Variants in SUMF1 observed in about 807,000 individuals in gnomAD.
The protein encoded by SUMF1 is sulfatase modifying factor 1.
A neutral mutation model predicts 47.6 loss-of-function variants in SUMF1; 48 were observed. The observed-to-expected ratio is 1.01, with a 90% CI of 0.80 to 1.28. The LOEUF (loss-of-function observed/expected upper bound fraction) is 1.28. SUMF1 is among the 50% of genes most tolerant of loss of function. SUMF1 has a pLI of 0.00. For synonymous variants in SUMF1, 230 were observed against 192.1 expected (o/e 1.20, Z -1.63); for missense variants, 571 against 485.4 (o/e 1.18, Z -1.66).
chr3:4,438,753 G>A (rs1466257521), intron 3 of SUMF1, among the ~76,000 whole-genome samples: 12 of 152,102 alleles, frequency 7.9e-5, no homozygotes, highest in African/African-American at 2.7e-4. Context: ...TCAAGCAGAA[G>A]GGAAAAATTA....
At chr3:4,251,647 ACAGT>A (rs1267540619) in intron 8 of SUMF1, among the ~76,000 whole-genome samples, 3 of 152,144 alleles carry the variant, frequency 2.0e-5, no homozygotes, top group African/African-American at 7.2e-5. Context: ...GAATATTCAG[ACAGT>A]CAATCCTTTG....
intron 8 of SUMF1, among the ~76,000 whole-genome samples, chr3:4,217,396 G>C (rs539863746): frequency 6.8e-6 from 1 of 146,840 alleles, no homozygotes; most frequent in Non-Finnish European, 1.5e-5. Context: ...GATAACATTA[G>C]GAGAAATACC....
chr3:4,212,553 G>C (rs1291115005), intron 8 of SUMF1, among the ~76,000 whole-genome samples: 3 of 152,162 alleles, frequency 2.0e-5, no homozygotes, highest in Non-Finnish European at 4.4e-5. Flanking sequence ...AATGGACAGA[G>C]AATGAGTTTG....
intron 1 of SUMF1, among the ~76,000 whole-genome samples, chr3:4,462,379 G>A (rs1045636767): frequency 1.3e-5 from 2 of 152,122 alleles, no homozygotes; most frequent in Non-Finnish European, 2.9e-5. Context: ...CAATGGAGCC[G>A]ACTATGCAGA....
chr3:4,338,836 T>A (rs1175402055), intron 8 of SUMF1, among the ~76,000 whole-genome samples: 2 of 152,098 alleles, frequency 1.3e-5, no homozygotes, highest in Non-Finnish European at 2.9e-5. Flanking sequence ...TGAGCCCCTA[T>A]AATTTAGTGT....
intron 3 of SUMF1, among the ~76,000 whole-genome samples, chr3:4,426,592 T>C (rs1702076265): frequency 6.6e-6 from 1 of 152,208 alleles, no homozygotes; most frequent in Non-Finnish European, 1.5e-5. Context: ...TTAAGAGTCA[T>C]ATATTAGGCA....
At chr3:4,158,925 T>A (rs570315676) in intron 8 of SUMF1, among the ~76,000 whole-genome samples, 1 of 151,634 alleles carries the variant, frequency 6.6e-6, no homozygotes. Context: ...TCTCTTTTTT[T>A]ATCCACTCAG....
At chr3:4,451,050 C>G (rs1047232648) in intron 2 of SUMF1, among the ~76,000 whole-genome samples, 1 of 151,478 alleles carries the variant, frequency 6.6e-6, no homozygotes, top group African/African-American at 2.4e-5. Flanking sequence ...GAACCCCCTT[C>G]TCAGAATAAA....
intron 8 of SUMF1, among the ~76,000 whole-genome samples, chr3:4,072,270 A>G (rs1695545890): frequency 6.6e-6 from 1 of 152,156 alleles, no homozygotes; most frequent in Non-Finnish European, 1.5e-5. Flanking sequence ...TAACAAATAG[A>G]AAGGAATAGC....
chr3:4,250,728 A>C (rs192436038), intron 8 of SUMF1, among the ~76,000 whole-genome samples: 1 of 152,156 alleles, frequency 6.6e-6, no homozygotes, highest in Non-Finnish European at 1.5e-5. Flanking sequence ...AATTATGCTA[A>C]TTCTAATCTG....
intron 8 of SUMF1, among the ~76,000 whole-genome samples, chr3:4,195,300 T>G (rs554496082): frequency 6.6e-6 from 1 of 152,130 alleles, no homozygotes; most frequent in Non-Finnish European, 1.5e-5. Context: ...TAAGTATCAG[T>G]AGCTAGGAGT....
intron 8 of SUMF1, among the ~76,000 whole-genome samples, chr3:4,372,246 A>G (rs1700191760): frequency 6.6e-6 from 1 of 152,154 alleles, no homozygotes; most frequent in East Asian, 1.9e-4. Flanking sequence ...CATTGCAGTG[A>G]GCCTAGATCA....
intron 9 of SUMF1, among the ~76,000 whole-genome samples, chr3:4,035,477 T>A (rs1034667184): frequency 1.3e-5 from 2 of 152,176 alleles, no homozygotes; most frequent in Non-Finnish European, 2.9e-5. Flanking sequence ...TGGATTAAGA[T>A]CCCAACCAGA....
chr3:4,236,812 T>C (rs1480406704), intron 8 of SUMF1, among the ~76,000 whole-genome samples: 2 of 152,130 alleles, frequency 1.3e-5, no homozygotes, highest in Admixed American at 6.6e-5. Context: ...GTACATTCTA[T>C]GGGTTTTGAC....
chr3:4,463,592 A>G (rs1559317536), intron 1 of SUMF1, among the ~76,000 whole-genome samples: 1 of 152,250 alleles, frequency 6.6e-6, no homozygotes, highest in Non-Finnish European at 1.5e-5. Context: ...AACTGAGAGG[A>G]TAGAAAAACT....
At chr3:4,313,210 G>A in intron 8 of SUMF1, 1 of 1,613,940 alleles carries the variant, frequency 6.2e-7, no homozygotes, top group South Asian at 1.1e-5. Flanking sequence ...TCGTACCTTG[G>A]AATTTATACC....
chr3:4,437,894 G>A (rs1368748616), intron 3 of SUMF1, among the ~76,000 whole-genome samples: 6 of 151,984 alleles, frequency 3.9e-5, no homozygotes, highest in Admixed American at 2.0e-4. Flanking sequence ...AGCTGAGATC[G>A]TGCCACTGCG....
intron 8 of SUMF1, among the ~76,000 whole-genome samples, chr3:4,325,144 G>C (rs779725023): frequency 9.9e-5 from 15 of 152,250 alleles, no homozygotes; most frequent in African/African-American, 3.4e-4. Flanking sequence ...TCCCTCCCAT[G>C]ACAAATGGGA....
intron 9 of SUMF1, among the ~76,000 whole-genome samples, chr3:4,045,585 C>G (rs747548258): frequency 2.6e-5 from 4 of 152,018 alleles, no homozygotes; most frequent in Non-Finnish European, 5.9e-5. Flanking sequence ...TTTGATTTGA[C>G]TAACTCAAAT....
Sources: allele counts gnomAD v4.1 joint callset (sites outside exome capture counted in the v4.1 genomes callset), GRCh38; gene constraint gnomAD v4.1.1; transcripts MANE v1.5; gene names NCBI Gene and HGNC (gene_info 2026-07-23, HGNC 2026-07-21).